The following EBF2 variants were observed in gnomAD, a reference collection of about 807,000 sequenced individuals.
The protein encoded by EBF2 is EBF transcription factor 2, also known as transcription factor COE2.
EBF2 carries 21 observed loss-of-function variants against 72.8 expected under a neutral mutation model. That is an observed-to-expected ratio of 0.29 (90% CI 0.20 to 0.42). The LOEUF is 0.42. EBF2 is among the 10% of genes least tolerant of loss of function. The pLI is 1.00. For synonymous variants in EBF2, 299 were observed against 274.2 expected, an observed-to-expected ratio of 1.09 and a Z score of -0.89; for missense variants, 637 against 731.2, an observed-to-expected ratio of 0.87 and a Z score of 1.49.
At position 26,042,227 on chromosome 8, in the gene EBF2, G is replaced by C. The variant is rs1037312323; in HGVS notation, c.156C>G (p.His52Gln). The C allele has an allele frequency of 1.9e-6, 3 of 1,614,072 alleles. No homozygotes were observed. Among genetic ancestry groups the C allele is most frequent in the Non-Finnish European group, 2.5e-6 (3 of 1,179,946 alleles). The change falls in exon 2 of 16, where the codon CAC (histidine) becomes CAG (glutamine). Residue 52 changes from histidine (H) to glutamine (Q), a missense_variant. By Grantham distance (24) the His-to-Gln change is conservative. Coordinates refer to ENST00000520164, the MANE Select transcript of EBF2 (RefSeq NM_022659.4). ...AGTTGGAAGGAGGCTGTTTCTCAAA[G>C]TGGGCCCGGGACAGGGCGACCCCGC... ...AQSGVALSRA[H>Q]FEKQPPSNLR... is the part of the protein sequence containing the mutation.
chr8:26,015,380 C>G (rs943784421), intron 6 of EBF2, among the ~76,000 whole-genome samples: 3 of 152,226 alleles, frequency 2.0e-5, no homozygotes, highest in Non-Finnish European at 4.4e-5. Flanking sequence ...CAAGGGCATG[C>G]CCTTTCATCT....
chr8:25,878,100 C>T (rs1802552528), intron 10 of EBF2, among the ~76,000 whole-genome samples: 4 of 152,186 alleles, frequency 2.6e-5, no homozygotes, highest in African/African-American at 4.8e-5. Context: ...GTGGACCACA[C>T]GGCCAGCCCC....
intron 6 of EBF2, among the ~76,000 whole-genome samples, chr8:25,985,502 C>T (rs1428194411): frequency 2.0e-5 from 3 of 152,210 alleles, no homozygotes; most frequent in Admixed American, 6.5e-5. Flanking sequence ...CCCTATAGTG[C>T]TGCCACTAAA....
intron 6 of EBF2, among the ~76,000 whole-genome samples, chr8:25,951,803 A>C (rs566286894): frequency 6.6e-6 from 1 of 152,240 alleles, no homozygotes; most frequent in Non-Finnish European, 1.5e-5. Flanking sequence ...GGAAAAGCAC[A>C]GAAAGGAAAA....
At chr8:25,877,084 T>A (rs567666441) in intron 10 of EBF2, among the ~76,000 whole-genome samples, 25 of 152,330 alleles carry the variant, frequency 1.6e-4, no homozygotes, top group Non-Finnish European at 2.6e-4. Context: ...TCACACACTG[T>A]GTTTTGCCCT....
chr8:25,991,402 T>C (rs1804543397), intron 6 of EBF2, among the ~76,000 whole-genome samples: 1 of 152,246 alleles, frequency 6.6e-6, no homozygotes, highest in African/African-American at 2.4e-5. Flanking sequence ...GCCCATTGTA[T>C]GCCAGGAACT....
At chr8:25,921,355 A>G (rs1803303625) in intron 6 of EBF2, among the ~76,000 whole-genome samples, 1 of 152,188 alleles carries the variant, frequency 6.6e-6, no homozygotes, top group Non-Finnish European at 1.5e-5. Context: ...CCTAGATGAT[A>G]TAAAAGAGAA....
chr8:25,985,286 A>T (rs1804431437), intron 6 of EBF2, among the ~76,000 whole-genome samples: 1 of 152,190 alleles, frequency 6.6e-6, no homozygotes. Flanking sequence ...CCCAGTGGCT[A>T]CATATAAAAT....
intron 6 of EBF2, among the ~76,000 whole-genome samples, chr8:25,920,195 G>A (rs1803284671): frequency 6.6e-6 from 1 of 152,140 alleles, no homozygotes; most frequent in African/African-American, 2.4e-5. Flanking sequence ...CACCTTTCAG[G>A]AAAAATCATT....
At chr8:25,999,638 C>CTT (rs201122059) in intron 6 of EBF2, among the ~76,000 whole-genome samples, 87 of 142,888 alleles carry the variant, frequency 6.1e-4, no homozygotes, top group Middle Eastern at 7.3e-3. Context: ...TGTCTTTCCT[C>CTT]TTTTTTTTTT....
At chr8:25,917,506 C>G (rs1409407834) in intron 6 of EBF2, among the ~76,000 whole-genome samples, 1 of 152,142 alleles carries the variant, frequency 6.6e-6, no homozygotes, top group Admixed American at 6.5e-5. Context: ...CAACCCATGT[C>G]CTCTTCTTTG....
At chr8:25,878,981 C>T (rs1454341366) in intron 10 of EBF2, among the ~76,000 whole-genome samples, 1 of 152,046 alleles carries the variant, frequency 6.6e-6, no homozygotes, top group Non-Finnish European at 1.5e-5. Flanking sequence ...TATATTGTGC[C>T]ATACTTTATT....
At chr8:25,982,675 A>G (rs1486606172) in intron 6 of EBF2, among the ~76,000 whole-genome samples, 2 of 152,326 alleles carry the variant, frequency 1.3e-5, no homozygotes, top group East Asian at 3.9e-4. Context: ...TTTTAAGAAT[A>G]GTAACACACC....
chr8:25,932,913 C>G (rs558582485), intron 6 of EBF2, among the ~76,000 whole-genome samples: 1 of 151,918 alleles, frequency 6.6e-6, no homozygotes, highest in Admixed American at 6.6e-5. Flanking sequence ...TGTTGCTGTT[C>G]CCAGACCAAT....
rs140893426 is a variant in EBF2 at position 26,009,676 on chromosome 8, G to A, written c.551+23409C>T. On this transcript the variant is annotated intron_variant, in intron 6 of 15. Transcript: ENST00000520164. ...TCCGTGTGGTATCTACTACATTATA[G>A]CGATCGCATGCCAATAACAGCTGGG... is the stretch of plus-strand genomic sequence containing the variant. 3.5e-3 allele frequency among the ~76,000 whole-genome samples: 530 copies of A among 152,254 alleles called. 3 individuals are homozygous for A. The highest frequency in any genetic ancestry group is 0.012 in the African/African-American group (496 of 41,528).
chr8:25,858,508 G>T lies in EBF2; in HGVS notation c.1343-4C>A. On this transcript the variant is annotated splice_region_variant and splice_polypyrimidine_tract_variant and intron_variant, in intron 13 of 15. Transcript: ENST00000520164. ...CTGCTTGTGTTGCGGATGTACCCTT[G>T]GCAACAAAGAAAAAGCCCAGGTAAA... 3.1e-6 allele frequency: 5 copies of T among 1,612,278 alleles called. No individual in the cohort carries two copies. Among genetic ancestry groups the T allele is most frequent in the Non-Finnish European group, 4.2e-6 (5 of 1,179,456 alleles).
intron 6 of EBF2, among the ~76,000 whole-genome samples, chr8:26,012,708 T>C (rs919144315): frequency 2.0e-5 from 3 of 152,208 alleles, no homozygotes; most frequent in African/African-American, 7.2e-5. Context: ...TTGCGGTGTT[T>C]GCCAGATTTC....
In EBF2 at chr8:25,994,016, C is replaced by T. The variant is rs371894418; in HGVS notation, c.551+39069G>A. ...ATTCAAAGTGTCAGAAAACATAGGACCTATATACCCTGCTTGACAAGATTA... is the reference window on the plus strand; with the variant it reads ...ATTCAAAGTGTCAGAAAACATAGGATCTATATACCCTGCTTGACAAGATTA... On this transcript the variant is annotated intron_variant, in intron 6 of 15. Coordinates refer to ENST00000520164, the MANE Select transcript of EBF2 (RefSeq NM_022659.4). 2.7e-4 allele frequency among the ~76,000 whole-genome samples: 41 copies of T among 151,964 alleles called. 1 individual carries two copies. The highest frequency in any genetic ancestry group is 9.6e-4 in the African/African-American group (40 of 41,452).
intron 6 of EBF2, among the ~76,000 whole-genome samples, chr8:25,922,821 G>A (rs1803325753): frequency 6.6e-6 from 1 of 152,082 alleles, no homozygotes; most frequent in South Asian, 2.1e-4. Flanking sequence ...AGGCCTAATT[G>A]ACACGCTCAG....
Sources: allele counts gnomAD v4.1 joint callset (sites outside exome capture counted in the v4.1 genomes callset), GRCh38; gene constraint gnomAD v4.1.1; transcripts MANE v1.5; gene names NCBI Gene and HGNC (gene_info 2026-07-23, HGNC 2026-07-21).